The following SKAP2 variants were observed in gnomAD, a reference collection of about 807,000 sequenced individuals.
The protein encoded by SKAP2 is src kinase associated phosphoprotein 2.
Under a neutral mutation model 54.9 loss-of-function variants are expected in SKAP2, and 28 were observed. The observed-to-expected ratio is 0.51, with a 90% CI of 0.38 to 0.70. The LOEUF is 0.70. SKAP2 is among the 30% of genes least tolerant of loss of function. The probability of loss-of-function intolerance (pLI) is 0.00; values close to 1 mark genes in which losing one functional copy is unlikely to be tolerated. For synonymous variants in SKAP2, 137 were observed against 134.3 expected (o/e 1.02, Z -0.14); for missense variants, 356 against 424.1 (o/e 0.84, Z 1.41).
intron 4 of SKAP2, among the ~76,000 whole-genome samples, chr7:26,772,041 T>G (rs1362042263): frequency 6.6e-6 from 1 of 152,226 alleles, no homozygotes; most frequent in Non-Finnish European, 1.5e-5. Context: ...AGACATGTAC[T>G]ATGGGGATTA....
intron 12 of SKAP2, among the ~76,000 whole-genome samples, 166 bp downstream of exon 12, chr7:26,669,910 TTTATTTTAAAAATTC>T (rs1456210838): frequency 2.0e-5 from 3 of 152,178 alleles, no homozygotes; most frequent in African/African-American, 4.8e-5. Flanking sequence ...CCATAAAGTT[TTTATTTTAAAAATTC>T]TTATTTTAAA....
chr7:26,727,305 A>T (rs966926162), intron 6 of SKAP2, among the ~76,000 whole-genome samples: 2 of 152,062 alleles, frequency 1.3e-5, no homozygotes, highest in East Asian at 1.9e-4. Context: ...CTTGCTAGAC[A>T]AACCCACCAC....
chr7:26,784,014 A>C (rs1783484230), intron 4 of SKAP2, among the ~76,000 whole-genome samples: 1 of 151,918 alleles, frequency 6.6e-6, no homozygotes, highest in Admixed American at 6.6e-5. Context: ...CCCTTATCTG[A>C]CTAAAGTAGA....
intron 4 of SKAP2, among the ~76,000 whole-genome samples, chr7:26,750,652 T>C (rs1782661623): frequency 6.6e-6 from 1 of 152,152 alleles, no homozygotes; most frequent in Non-Finnish European, 1.5e-5. Flanking sequence ...GTTTCATCTG[T>C]AAGATTTTGG....
intron 10 of SKAP2, among the ~76,000 whole-genome samples, chr7:26,689,142 G>A (rs1434917308): frequency 6.6e-6 from 1 of 152,142 alleles, no homozygotes; most frequent in Non-Finnish European, 1.5e-5. Flanking sequence ...CAGTAGGAAG[G>A]ACTCTGGAAA....
chr7:26,686,772 CAA>C (rs960026497), intron 10 of SKAP2, among the ~76,000 whole-genome samples: 7 of 152,100 alleles, frequency 4.6e-5, no homozygotes, highest in Non-Finnish European at 7.4e-5. Context: ...GGAATTAGAG[CAA>C]AGAGAGGATG....
At chr7:26,737,275 T>TG (rs769098113) in intron 6 of SKAP2, among the ~76,000 whole-genome samples, 1 of 152,226 alleles carries the variant, frequency 6.6e-6, no homozygotes, top group Non-Finnish European at 1.5e-5. Flanking sequence ...TAACTGAACT[T>TG]GGACTCTAAA....
intron 9 of SKAP2, among the ~76,000 whole-genome samples, chr7:26,702,250 G>A (rs868648240): frequency 6.6e-6 from 1 of 151,964 alleles, no homozygotes; most frequent in South Asian, 2.1e-4. Flanking sequence ...TACCTCCCAG[G>A]CTCATGTGAT....
chr7:26,773,643 T>C (rs1227464284), intron 4 of SKAP2, among the ~76,000 whole-genome samples: 2 of 152,140 alleles, frequency 1.3e-5, no homozygotes, highest in Non-Finnish European at 2.9e-5. Context: ...CCATCTCACA[T>C]CCACAAGGCA....
chr7:26,725,308 A>G (rs2127955738), intron 9 of SKAP2, 120 bp downstream of exon 9: 3 of 625,196 alleles, frequency 4.8e-6, no homozygotes, highest in Non-Finnish European at 7.9e-6. Flanking sequence ...CTTGTTCTCA[A>G]TAGGTCACCA....
chr7:26,740,571 TA>T (rs895810550), intron 4 of SKAP2, among the ~76,000 whole-genome samples: 1 of 152,114 alleles, frequency 6.6e-6, no homozygotes, highest in Admixed American at 6.6e-5. Context: ...ACTGGATCCC[TA>T]AAAAAAGTTT....
chr7:26,678,698 C>A (rs1786414868), intron 11 of SKAP2, among the ~76,000 whole-genome samples: 1 of 152,130 alleles, frequency 6.6e-6, no homozygotes, highest in Non-Finnish European at 1.5e-5. Flanking sequence ...GCCTCGGCCT[C>A]CCAAAGTGCT....
At chr7:26,703,779 T>A (rs1787099590) in intron 9 of SKAP2, among the ~76,000 whole-genome samples, 1 of 152,202 alleles carries the variant, frequency 6.6e-6, no homozygotes, top group African/African-American at 2.4e-5. Flanking sequence ...TATACATAAA[T>A]CTCATTCAAA....
chr7:26,863,694 C>T (rs1785313068), intron 1 of SKAP2, among the ~76,000 whole-genome samples: 1 of 152,096 alleles, frequency 6.6e-6, no homozygotes, highest in Non-Finnish European at 1.5e-5. Context: ...AGATGAAGTA[C>T]TTTCATCGTG....
rs34331819 is a variant in SKAP2 at position 26,861,615 on chromosome 7, CTTTTTTT to C, written c.67+2741_67+2747del. On this transcript the variant is annotated intron_variant, in intron 1 of 12. Coordinates refer to ENST00000345317, the MANE Select transcript of SKAP2 (RefSeq NM_003930.5). ...ACATGTGAGTTAACAATAACAACCTCTTTTTTTTTTTTTTTTTTTTTTTACATTTCTA... is the reference window on the plus strand; with the variant it reads ...ACATGTGAGTTAACAATAACAACCTCTTTTTTTTTTTTTTTTACATTTCTA... Among the ~76,000 whole-genome samples the C allele has an allele frequency of 7.3e-3, 846 of 116,138 alleles. 14 individuals are homozygous for C. The highest frequency in any genetic ancestry group is 0.052 in the Middle Eastern group (10 of 192). The allele number at this position is 116,138 out of a possible 152,430, so 76.2% of individuals were successfully genotyped here.
At chr7:26,731,313 A>T (rs1787820800) in intron 6 of SKAP2, among the ~76,000 whole-genome samples, 1 of 152,182 alleles carries the variant, frequency 6.6e-6, no homozygotes. Context: ...TCCTCAATAC[A>T]ATGTGAAATA....
At chr7:26,773,347 C>T (rs1409727405) in intron 4 of SKAP2, among the ~76,000 whole-genome samples, 1 of 152,206 alleles carries the variant, frequency 6.6e-6, no homozygotes, top group African/African-American at 2.4e-5. Flanking sequence ...TATTGCCCTT[C>T]TGAGGATGAA....
chr7:26,705,131 T>C (rs552259188), intron 9 of SKAP2, among the ~76,000 whole-genome samples: 2 of 152,344 alleles, frequency 1.3e-5, no homozygotes, highest in East Asian at 1.9e-4. Flanking sequence ...GCTCCAAAAC[T>C]AGCCTCTAGC....
intron 4 of SKAP2, among the ~76,000 whole-genome samples, chr7:26,792,859 A>G (rs1333811799): frequency 6.6e-6 from 1 of 152,208 alleles, no homozygotes; most frequent in Non-Finnish European, 1.5e-5. Context: ...GCAATCTAAG[A>G]ATGTTTGCAA....
Sources: allele counts gnomAD v4.1 joint callset (sites outside exome capture counted in the v4.1 genomes callset), GRCh38; gene constraint gnomAD v4.1.1; transcripts MANE v1.5; gene names NCBI Gene and HGNC (gene_info 2026-07-23, HGNC 2026-07-21).